LRRC74A: variants seen among roughly 807,000 people sequenced by gnomAD.
LRRC74A encodes leucine-rich repeat-containing protein 74A.
Under a neutral mutation model 57.9 loss-of-function variants are expected in LRRC74A, and 44 were observed. The observed-to-expected ratio is 0.76, with a 90% confidence interval of 0.60 to 0.98. LRRC74A has a LOEUF of 0.98. LRRC74A is among the 50% of genes least tolerant of loss of function. LRRC74A has a pLI of 0.00. For missense variants in LRRC74A, 572 were observed against 574.0 expected (o/e 1.00, Z 0.04); for synonymous variants, 211 against 219.4 (o/e 0.96, Z 0.34).
intron 11 of LRRC74A, 102 bp from the exon 12 acceptor site, chr14:76,865,866 A>G: frequency 2.2e-6 from 2 of 904,502 alleles, no homozygotes; most frequent in Non-Finnish European, 3.5e-6. Flanking sequence ...TAGCCTTGTT[A>G]GGCCTGGAAG....
Position 76,866,087 on chromosome 14 carries a change from C to A in LRRC74A, c.1308+12C>A. 2 of 1,500,588 alleles carry A rather than the reference C, an allele frequency of 1.3e-6. No homozygotes were observed. The highest frequency in any genetic ancestry group is 1.8e-6 in the Non-Finnish European group (2 of 1,089,014). The allele number at this position is 1,500,588 out of a possible 1,614,324, so 93.0% of individuals were successfully genotyped here. On this transcript the variant is annotated intron_variant, in intron 12 of 13. Coordinates refer to ENST00000689127, the MANE Select transcript of LRRC74A (RefSeq NM_001385106.1). ...AAGTGATGATAGAGGTGTGCTGGGT[C>A]CTAGTGGCAACAGGCTGTGTGTGAG...
At chr14:76,843,234 G>C (rs1896891218) in intron 5 of LRRC74A, among the ~76,000 whole-genome samples, 1 of 145,738 alleles carries the variant, frequency 6.9e-6, no homozygotes, top group African/African-American at 2.6e-5. Context: ...AGTAAGCCGA[G>C]ATCACGCCAC....
intron 5 of LRRC74A, 138 bp downstream of exon 5, chr14:76,838,109 C>T: frequency 1.7e-6 from 1 of 581,402 alleles, no homozygotes; most frequent in Non-Finnish European, 3.0e-6. Flanking sequence ...TCTATGCCTG[C>T]TAAACCCTCC....
chr14:76,848,288 AAAAT>A (rs1405898549), intron 7 of LRRC74A, among the ~76,000 whole-genome samples: 1 of 147,864 alleles, frequency 6.8e-6, no homozygotes, highest in East Asian at 2.0e-4. Context: ...ATAAAAAAAT[AAAAT>A]AAAATATTAC....
At chr14:76,860,974 C>A in intron 11 of LRRC74A, 135 bp downstream of exon 11, 4 of 816,984 alleles carry the variant, frequency 4.9e-6, no homozygotes, top group East Asian at 2.9e-5. Flanking sequence ...GTCTCAGTCC[C>A]TTGGACAGCA....
chr14:76,861,107 C>T (rs1275417169), intron 11 of LRRC74A, among the ~76,000 whole-genome samples: 2 of 152,216 alleles, frequency 1.3e-5, no homozygotes, highest in South Asian at 2.1e-4. Context: ...TTATCCCACC[C>T]GGACTCCTCC....
At chr14:76,849,455 C>T (rs1897297454) in intron 7 of LRRC74A, among the ~76,000 whole-genome samples, 1 of 152,006 alleles carries the variant, frequency 6.6e-6, no homozygotes, top group South Asian at 2.1e-4. Flanking sequence ...CTGCCCCGGG[C>T]CTGTGCTGTC....
In LRRC74A at chr14:76,870,052, G is replaced by A. The variant is rs369133595; in HGVS notation, c.1392-73G>A. 12 of 1,528,516 alleles carry A rather than the reference G, an allele frequency of 7.9e-6. No individual in the cohort carries two copies. The South Asian group carries it at 1.2e-4, about 15-fold the overall frequency. The allele number at this position is 1,528,516 out of a possible 1,614,324, so 94.7% of individuals were successfully genotyped here. A position where few individuals can be genotyped will look rare whatever the true frequency, so the allele number is the denominator to read the frequency against. On this transcript the variant is annotated intron_variant, in intron 13 of 13. Transcript: ENST00000689127. ...AATGGTCTCCTTTGGATTTAAGCCT[G>A]TCTTAACATTCTCACCCATCAGCCA...
chr14:76,839,549 C>A (rs887202309), intron 5 of LRRC74A, among the ~76,000 whole-genome samples: 1 of 152,134 alleles, frequency 6.6e-6, no homozygotes, highest in African/African-American at 2.4e-5. Context: ...AGAACTATAC[C>A]TAGTACATAA....
At chr14:76,848,553 A>C (rs951855897) in intron 7 of LRRC74A, among the ~76,000 whole-genome samples, 1 of 152,210 alleles carries the variant, frequency 6.6e-6, no homozygotes, top group Non-Finnish European at 1.5e-5. Context: ...TGAGCAACAG[A>C]GTGAGACCCT....
At chr14:76,831,421 G>T in intron 3 of LRRC74A, 46 bp downstream of exon 3, 4 of 1,601,850 alleles carry the variant, frequency 2.5e-6, no homozygotes, top group Non-Finnish European at 3.4e-6. Context: ...GAGGTGGAGG[G>T]TTGGCAGAGT....
In LRRC74A at chr14:76,831,330, C is replaced by G; in HGVS notation, c.294C>G (p.His98Gln). 1 of 1,613,920 alleles carries G rather than the reference C, an allele frequency of 6.2e-7. No individual in the cohort carries two copies. The highest frequency in any genetic ancestry group is 1.3e-5 in the African/African-American group (1 of 75,048). The change falls in exon 3 of 14, where the codon CAC becomes CAG. Residue 98 changes from histidine (H) to glutamine (Q), a missense_variant. By Grantham distance (24) the His-to-Gln change is conservative. Transcript: ENST00000689127. The part of the protein sequence containing the change: ...MEESYVNLNH[H>Q]GLGPRGTKAI... ...AGTCCTACGTGAACCTCAACCACCA[C>G]GGCCTGGGCCCCAGGGGTACCAAGG...
Position 76,852,414 on chromosome 14 carries a change from C to T in LRRC74A, c.726C>T (p.His242=). 6.2e-7 allele frequency: 1 copy of T among 1,612,024 alleles called. No individual in the cohort carries two copies. Among genetic ancestry groups the T allele is most frequent in the African/African-American group, 1.3e-5 (1 of 74,948 alleles). Residue 242 remains histidine (H), a synonymous_variant, in exon 8 of 14, where the codon CAC becomes CAT. Coordinates refer to ENST00000689127, the MANE Select transcript of LRRC74A (RefSeq NM_001385106.1). ...TSLDLSWNNF[H]TRGAVALCNG... ...TGGATCTGAGCTGGAATAACTTCCACACAAGGGGAGCTGTGGCCTTGTGCA... is the reference window on the plus strand; with the variant it reads ...TGGATCTGAGCTGGAATAACTTCCATACAAGGGGAGCTGTGGCCTTGTGCA...
intron 3 of LRRC74A, among the ~76,000 whole-genome samples, chr14:76,832,311 T>A (rs2140258185): frequency 6.6e-6 from 1 of 152,224 alleles, no homozygotes; most frequent in East Asian, 1.9e-4. Flanking sequence ...GGAGTTCTGG[T>A]CTAGAGTTGT....
At chr14:76,854,336 G>A (rs753715284) in intron 9 of LRRC74A, among the ~76,000 whole-genome samples, 17 of 152,204 alleles carry the variant, frequency 1.1e-4, no homozygotes, top group Non-Finnish European at 1.9e-4. Flanking sequence ...GGCCAGGTGC[G>A]GTGGCTTATG....
intron 7 of LRRC74A, among the ~76,000 whole-genome samples, chr14:76,851,609 C>T (rs572019104): frequency 2.0e-5 from 3 of 151,698 alleles, no homozygotes; most frequent in Admixed American, 1.3e-4. Context: ...CCACCTGCCT[C>T]GGCCTCCCAA....
chr14:76,826,781 C>T (rs1161180739), intron 1 of LRRC74A, 47 bp downstream of exon 1: 1 of 1,275,210 alleles, frequency 7.8e-7, no homozygotes, highest in East Asian at 2.9e-5. Flanking sequence ...TCCCTGCTGC[C>T]TCAGTACAAC....
At chr14:76,837,223 C>T (rs1426896178) in intron 4 of LRRC74A, among the ~76,000 whole-genome samples, 2 of 152,112 alleles carry the variant, frequency 1.3e-5, no homozygotes, top group Non-Finnish European at 2.9e-5. Context: ...GAAATAATGT[C>T]ATAAAAGACA....
At chr14:76,834,945 C>T (rs911949564) in intron 3 of LRRC74A, among the ~76,000 whole-genome samples, 14 of 152,204 alleles carry the variant, frequency 9.2e-5, no homozygotes, top group Non-Finnish European at 1.6e-4. Context: ...ATTGCAATAG[C>T]TTGGACTATC....
Sources: gnomAD v4.1 joint callset for allele counts (sites outside exome capture counted in the v4.1 genomes callset) on GRCh38, gnomAD v4.1.1 for gene constraint, MANE v1.5 for transcripts, NCBI Gene and HGNC (gene_info 2026-07-23, HGNC 2026-07-21) for gene names.